The following WWP1 variants were observed in gnomAD, a reference collection of about 807,000 sequenced individuals.
WWP1 encodes the protein NEDD4-like E3 ubiquitin-protein ligase WWP1.
A neutral mutation model predicts 130.6 loss-of-function variants in WWP1; 49 were observed. The observed-to-expected ratio is 0.38, with a 90% CI of 0.30 to 0.48. The LOEUF (loss-of-function observed/expected upper bound fraction) is 0.48. WWP1 is among the 20% of genes least tolerant of loss of function. The probability of loss-of-function intolerance (pLI) is 0.99; values close to 1 mark genes in which losing one functional copy is unlikely to be tolerated. For synonymous variants in WWP1, 332 were observed against 367.8 expected (o/e 0.90, Z 1.11); for missense variants, 809 against 1,100.6 (o/e 0.74, Z 3.75).
intron 3 of WWP1, among the ~76,000 whole-genome samples, chr8:86,376,385 A>T (rs534316174): frequency 1.3e-5 from 2 of 152,270 alleles, no homozygotes; most frequent in East Asian, 1.9e-4. Context: ...CCTGGCCAAC[A>T]TGGTGAAACC....
At chr8:86,457,871 T>C in intron 21 of WWP1, 50 bp from the exon 22 acceptor site, 1 of 1,553,624 alleles carries the variant, frequency 6.4e-7, no homozygotes, top group Non-Finnish European at 8.9e-7. Context: ...CATATAATTA[T>C]TCTCTTCACT....
At chr8:86,351,051 T>C (rs1822891020) in intron 1 of WWP1, among the ~76,000 whole-genome samples, 2 of 152,234 alleles carry the variant, frequency 1.3e-5, no homozygotes, top group Admixed American at 6.5e-5. Flanking sequence ...CAGACCTGAC[T>C]TCTGGTAGTA....
At chr8:86,375,817 A>G (rs1043802834) in intron 3 of WWP1, among the ~76,000 whole-genome samples, 3 of 152,132 alleles carry the variant, frequency 2.0e-5, no homozygotes, top group South Asian at 4.1e-4. Context: ...GGGTAGACAC[A>G]TGTAATTTTG....
rs764354459 is a variant in WWP1 at position 86,435,600 on chromosome 8, C to A, written c.1678-33C>A. ...TTTATACAATACATATACTATAACT[C>A]AGATGATATTATGATATTATTTTTG... On this transcript the variant is annotated intron_variant, in intron 15 of 24. Transcript: ENST00000517970. 4 of 1,611,458 alleles carry A rather than the reference C, an allele frequency of 2.5e-6. No individual in the cohort carries two copies. In the Admixed American group the frequency reaches 6.7e-5, roughly 27 times the overall value.
intron 14 of WWP1, among the ~76,000 whole-genome samples, chr8:86,434,598 T>G (rs1810184321): frequency 6.6e-6 from 1 of 152,240 alleles, no homozygotes; most frequent in South Asian, 2.1e-4. Context: ...ATTGTTTTAT[T>G]GTTCTAGGTC....
intron 17 of WWP1, among the ~76,000 whole-genome samples, chr8:86,440,173 C>G (rs1344096420): frequency 6.6e-6 from 1 of 152,086 alleles, no homozygotes; most frequent in Non-Finnish European, 1.5e-5. Flanking sequence ...TACAGTGTGT[C>G]TTTATTAACA....
At chr8:86,459,474 G>T (rs2130081309) in intron 22 of WWP1, among the ~76,000 whole-genome samples, 1 of 152,288 alleles carries the variant, frequency 6.6e-6, no homozygotes, top group African/African-American at 2.4e-5. Flanking sequence ...TGTCTGTATA[G>T]TAAGTGTATG....
At chr8:86,391,065 A>T (rs75301614) in intron 5 of WWP1, among the ~76,000 whole-genome samples, 1,667 of 152,122 alleles carry the variant, frequency 0.011, 31 homozygotes, top group African/African-American at 0.038. Flanking sequence ...GCCATAAATA[A>T]ACCTTATTTA....
At chr8:86,343,950 A>G (rs1440328657) in intron 1 of WWP1, among the ~76,000 whole-genome samples, 1 of 150,942 alleles carries the variant, frequency 6.6e-6, no homozygotes, top group East Asian at 1.9e-4. Context: ...GTTGGTTTAC[A>G]GTTACCTGCA....
At chr8:86,356,963 A>G (rs1823296197) in intron 1 of WWP1, among the ~76,000 whole-genome samples, 1 of 152,152 alleles carries the variant, frequency 6.6e-6, no homozygotes, top group East Asian at 1.9e-4. Context: ...TTTGTAATGG[A>G]TAGCTTTTTA....
At chr8:86,378,293 T>C (rs534431957) in intron 3 of WWP1, among the ~76,000 whole-genome samples, 55 of 152,296 alleles carry the variant, frequency 3.6e-4, no homozygotes, top group African/African-American at 1.3e-3. Context: ...AATATTTCAA[T>C]GTTAAACTTT....
intron 9 of WWP1, among the ~76,000 whole-genome samples, chr8:86,414,951 A>G (rs1007009918): frequency 7.8e-5 from 11 of 140,582 alleles, no homozygotes; most frequent in African/African-American, 2.9e-4. Context: ...TTTGACTGAA[A>G]TAATGATAGA....
intron 9 of WWP1, among the ~76,000 whole-genome samples, chr8:86,422,772 A>G (rs980825998): frequency 6.6e-6 from 1 of 152,176 alleles, no homozygotes; most frequent in Non-Finnish European, 1.5e-5. Context: ...AATGGGAGAA[A>G]CAAGAGATTG....
intron 1 of WWP1, among the ~76,000 whole-genome samples, chr8:86,356,101 G>A (rs981852440): frequency 2.0e-5 from 3 of 152,122 alleles, no homozygotes; most frequent in African/African-American, 7.2e-5. Flanking sequence ...CATATAATAG[G>A]AGCCCAGTAA....
chr8:86,427,910 T>C (rs2130659300), intron 11 of WWP1, 93 bp downstream of exon 11: 3 of 1,285,822 alleles, frequency 2.3e-6, no homozygotes, highest in Non-Finnish European at 2.1e-6. Context: ...TAATCACATA[T>C]CTATTTTGGT....
At chr8:86,461,451 A>G in intron 23 of WWP1, 131 bp downstream of exon 23, 1 of 779,698 alleles carries the variant, frequency 1.3e-6, no homozygotes, top group Middle Eastern at 2.4e-4. Context: ...TTTAGAAGAA[A>G]GAAAAATGAG....
intron 2 of WWP1, among the ~76,000 whole-genome samples, chr8:86,372,093 G>T (rs372806994): frequency 7.4e-6 from 1 of 134,990 alleles, no homozygotes; most frequent in Non-Finnish European, 1.5e-5. Context: ...GCGCGATCTC[G>T]ACTCACTGCA....
At chr8:86,380,601 C>T (rs1824928704) in intron 3 of WWP1, 125 bp from the exon 4 acceptor site, 6 of 1,106,972 alleles carry the variant, frequency 5.4e-6, no homozygotes, top group Non-Finnish European at 7.3e-6. Flanking sequence ...TGTATTGTTT[C>T]TTCATTCTGC....
At chr8:86,423,797 G>GGCT (rs1809382895) in intron 9 of WWP1, among the ~76,000 whole-genome samples, 1 of 132,502 alleles carries the variant, frequency 7.5e-6, no homozygotes, top group African/African-American at 3.0e-5. Context: ...CAGAAGGGGC[G>GGCT]GCCGGGCAGA....
Sources: allele counts gnomAD v4.1 joint callset (sites outside exome capture counted in the v4.1 genomes callset), GRCh38; gene constraint gnomAD v4.1.1; transcripts MANE v1.5; gene names NCBI Gene and HGNC (gene_info 2026-07-23, HGNC 2026-07-21).